Variants in PCSK5 observed in about 807,000 individuals in gnomAD.
PCSK5 encodes proprotein convertase subtilisin/kexin type 5.
Under a neutral mutation model 233.2 loss-of-function variants are expected in PCSK5, and 129 were observed. That is an observed-to-expected ratio of 0.55 (90% CI 0.48 to 0.64). PCSK5 has a LOEUF of 0.64. PCSK5 is among the 30% of genes least tolerant of loss of function. The pLI is 0.00. For synonymous variants in PCSK5, 825 were observed against 879.2 expected (o/e 0.94, Z 1.09); for missense variants, 2,076 against 2,430.1 (o/e 0.85, Z 3.06).
At chr9:76,081,600 T>G (rs143622712) in intron 7 of PCSK5, among the ~76,000 whole-genome samples, 1 of 152,212 alleles carries the variant, frequency 6.6e-6, no homozygotes, top group Non-Finnish European at 1.5e-5. Flanking sequence ...CTTTTCTTTT[T>G]ATTACTTTTT....
chr9:76,173,636 G>A (rs1157722083), intron 13 of PCSK5, among the ~76,000 whole-genome samples: 1 of 150,694 alleles, frequency 6.6e-6, no homozygotes, highest in Admixed American at 6.7e-5. Context: ...ACTCATAGAA[G>A]GTGAAACACT....
intron 8 of PCSK5, among the ~76,000 whole-genome samples, chr9:76,101,481 AT>A (rs759574874): frequency 1.3e-5 from 2 of 152,150 alleles, no homozygotes; most frequent in Non-Finnish European, 2.9e-5. Context: ...TCCTCCTGAC[AT>A]TTCTCTCAAG....
At chr9:76,021,772 G>T (rs1393416230) in intron 3 of PCSK5, among the ~76,000 whole-genome samples, 18 of 152,110 alleles carry the variant, frequency 1.2e-4, no homozygotes, top group Non-Finnish European at 2.6e-4. Context: ...CACCTGTAAG[G>T]GATGAGGTTT....
intron 27 of PCSK5, among the ~76,000 whole-genome samples, chr9:76,297,140 G>A (rs995105000): frequency 2.0e-5 from 3 of 152,148 alleles, no homozygotes; most frequent in African/African-American, 7.2e-5. Context: ...GGGTGAAGCA[G>A]GCCCGGAAGC....
At chr9:75,949,548 TGA>T (rs1470148973) in intron 2 of PCSK5, among the ~76,000 whole-genome samples, 1 of 152,138 alleles carries the variant, frequency 6.6e-6, no homozygotes, top group Non-Finnish European at 1.5e-5. Flanking sequence ...ATTTATTTTT[TGA>T]GACGGAGTCT....
intron 13 of PCSK5, among the ~76,000 whole-genome samples, chr9:76,172,782 A>C (rs1193230104): frequency 6.6e-6 from 1 of 152,176 alleles, no homozygotes; most frequent in Non-Finnish European, 1.5e-5. Context: ...TTCACTTCTT[A>C]TCACTCCCTA....
At chr9:76,050,628 G>A (rs986685638) in intron 5 of PCSK5, among the ~76,000 whole-genome samples, 1 of 152,126 alleles carries the variant, frequency 6.6e-6, no homozygotes, top group Non-Finnish European at 1.5e-5. Context: ...CAGAACAACT[G>A]GAGCAGAAAT....
At chr9:76,015,365 C>A (rs1324495427) in intron 3 of PCSK5, among the ~76,000 whole-genome samples, 1 of 152,192 alleles carries the variant, frequency 6.6e-6, no homozygotes, top group Non-Finnish European at 1.5e-5. Context: ...CAGACATATC[C>A]AGAAATACTA....
chr9:76,292,311 T>G, intron 25 of PCSK5, 36 bp downstream of exon 25: 1 of 1,380,082 alleles, frequency 7.2e-7, no homozygotes, highest in Non-Finnish European at 1.0e-6. Flanking sequence ...CACTAACTTT[T>G]CTGCAGTTTA....
intron 7 of PCSK5, among the ~76,000 whole-genome samples, chr9:76,086,078 T>C (rs1831050799): frequency 6.6e-6 from 1 of 152,236 alleles, no homozygotes; most frequent in Non-Finnish European, 1.5e-5. Flanking sequence ...TCAATGTTAA[T>C]ATTAGAAATG....
At chr9:76,290,096 T>A (rs1726274974) in intron 24 of PCSK5, among the ~76,000 whole-genome samples, 1 of 152,210 alleles carries the variant, frequency 6.6e-6, no homozygotes, top group African/African-American at 2.4e-5. Context: ...TAGAGTCAAA[T>A]ATGTTCATTA....
intron 2 of PCSK5, among the ~76,000 whole-genome samples, chr9:75,979,060 G>A (rs1826156808): frequency 6.6e-6 from 1 of 151,960 alleles, no homozygotes; most frequent in South Asian, 2.1e-4. Context: ...CTCCATGTTG[G>A]TCAGACTGGT....
At chr9:76,130,040 T>G (rs1822695240) in intron 9 of PCSK5, among the ~76,000 whole-genome samples, 1 of 152,112 alleles carries the variant, frequency 6.6e-6, no homozygotes, top group African/African-American at 2.4e-5. Flanking sequence ...GATGACAAGT[T>G]CATAACAATA....
At chr9:76,282,172 C>G (rs1295672524) in intron 24 of PCSK5, among the ~76,000 whole-genome samples, 1 of 110,496 alleles carries the variant, frequency 9.1e-6, no homozygotes, top group Non-Finnish European at 1.7e-5. Context: ...GGCTGGAGCA[C>G]AGTGGTGTGA....
chr9:76,012,634 G>A (rs1435792183), intron 3 of PCSK5, among the ~76,000 whole-genome samples: 1 of 152,164 alleles, frequency 6.6e-6, no homozygotes, highest in Non-Finnish European at 1.5e-5. Flanking sequence ...GTCATTATGT[G>A]TATTAGACAT....
chr9:76,215,033 T>C (rs1030182482), intron 20 of PCSK5, among the ~76,000 whole-genome samples: 1 of 152,230 alleles, frequency 6.6e-6, no homozygotes, highest in Non-Finnish European at 1.5e-5. Flanking sequence ...TGTTGGCCTC[T>C]GACAAATTCA....
chr9:76,334,170 C>T (rs928804135), intron 34 of PCSK5, among the ~76,000 whole-genome samples: 1 of 152,058 alleles, frequency 6.6e-6, no homozygotes, highest in African/African-American at 2.4e-5. Flanking sequence ...TTCACAACAG[C>T]AAGAACAGCA....
intron 7 of PCSK5, among the ~76,000 whole-genome samples, chr9:76,083,736 G>A (rs768654029): frequency 5.1e-4 from 77 of 152,220 alleles, no homozygotes; most frequent in Non-Finnish European, 8.4e-4. Context: ...TGAAAGCAAA[G>A]ATTGCTTGTA....
intron 24 of PCSK5, among the ~76,000 whole-genome samples, chr9:76,281,040 T>C (rs1827848012): frequency 6.6e-6 from 1 of 152,140 alleles, no homozygotes; most frequent in African/African-American, 2.4e-5. Context: ...TGTTGGAAGC[T>C]AGCAGAGGTT....
Sources: gnomAD v4.1 joint callset for allele counts (sites outside exome capture counted in the v4.1 genomes callset) on GRCh38, gnomAD v4.1.1 for gene constraint, MANE v1.5 for transcripts, NCBI Gene and HGNC (gene_info 2026-07-23, HGNC 2026-07-21) for gene names.